Variants in OR14A2 observed in about 807,000 individuals in gnomAD.
OR14A2 encodes the protein olfactory receptor 14A2.
For synonymous variants in OR14A2, 114 were observed against 58.6 expected, an observed-to-expected ratio of 1.95 and a Z score of -4.32; for missense variants, 237 against 152.9, an observed-to-expected ratio of 1.55 and a Z score of -2.90.
the OR14A2 span, chr1:247,738,718 C>T: frequency 6.1e-5 from 48 of 780,820 alleles, 2 homozygotes; most frequent in South Asian, 3.9e-4. Flanking sequence ...ATCTACCTCA[C>T]GGCTGTGCTG....
chr1:247,736,731 G>A, the OR14A2 span, among the ~76,000 whole-genome samples: 1 of 152,040 alleles, frequency 6.6e-6, no homozygotes, highest in Non-Finnish European at 1.5e-5. Flanking sequence ...TGCTAGTTTG[G>A]AGGTAGCTCT....
At chr1:247,726,760 GT>G (rs1179811434), upstream of OR14A2, among the ~76,000 whole-genome samples, 1 of 134,736 alleles carries the variant, frequency 7.4e-6, no homozygotes, top group East Asian at 2.2e-4. Flanking sequence ...TGGCTAGCCA[GT>G]TTTCCCAGCA....
At chr1:247,725,516 TTTTA>T (rs1452371609), upstream of OR14A2, among the ~76,000 whole-genome samples, 3 of 146,220 alleles carry the variant, frequency 2.1e-5, no homozygotes, top group Admixed American at 1.3e-4. Flanking sequence ...TTTATTTATT[TTTTA>T]TTTATTTATT....
chr1:247,731,772 A>AC, the OR14A2 span, among the ~76,000 whole-genome samples: 1 of 151,302 alleles, frequency 6.6e-6, no homozygotes. Flanking sequence ...TTGAAAACAT[A>AC]TTTTTTTTTC....
the OR14A2 span, among the ~76,000 whole-genome samples, chr1:247,729,740 C>T: frequency 2.0e-5 from 3 of 151,942 alleles, no homozygotes; most frequent in Non-Finnish European, 4.4e-5. Context: ...CACAAAAACC[C>T]CACAGAATAC....
the OR14A2 span, among the ~76,000 whole-genome samples, chr1:247,732,519 C>T: frequency 1.3e-5 from 2 of 152,082 alleles, no homozygotes; most frequent in African/African-American, 4.8e-5. Context: ...TTTCCTAGTC[C>T]ATCTTATTTG....
At chr1:247,733,082 G>T in the OR14A2 span, among the ~76,000 whole-genome samples, 1 of 152,078 alleles carries the variant, frequency 6.6e-6, no homozygotes, top group African/African-American at 2.4e-5. Flanking sequence ...GCGGCCCTCA[G>T]GAGTTTCTTA....
the OR14A2 span, chr1:247,739,562 A>C: frequency 1.3e-6 from 1 of 767,136 alleles, no homozygotes; most frequent in Non-Finnish European, 2.4e-6. Context: ...AAAGATGACT[A>C]AAGTTGAAGA....
the OR14A2 span, among the ~76,000 whole-genome samples, chr1:247,731,431 T>C: frequency 6.6e-6 from 1 of 152,118 alleles, no homozygotes; most frequent in Non-Finnish European, 1.5e-5. Flanking sequence ...ATAGTTTTAC[T>C]ATTATTTATT....
downstream of OR14A2, chr1:247,723,006 T>C (rs1660235585): frequency 1.6e-6 from 1 of 617,432 alleles, no homozygotes. Context: ...TTTGAGTATA[T>C]TGCTTTCTTT....
chr1:247,735,405 CCATTAGTCA>C, the OR14A2 span, among the ~76,000 whole-genome samples: 1 of 152,180 alleles, frequency 6.6e-6, no homozygotes, highest in African/African-American at 2.4e-5. Flanking sequence ...TGTCTAGGAT[CCATTAGTCA>C]CATATTATGG....
the OR14A2 span, among the ~76,000 whole-genome samples, chr1:247,742,452 G>T: frequency 3.0e-4 from 46 of 151,020 alleles, no homozygotes; most frequent in Middle Eastern, 3.4e-3. Context: ...ATTTTGTTGA[G>T]ATAATACACA....
At chr1:247,729,208 T>G in the OR14A2 span, among the ~76,000 whole-genome samples, 1 of 152,150 alleles carries the variant, frequency 6.6e-6, no homozygotes, top group Non-Finnish European at 1.5e-5. Context: ...GATTATCTCT[T>G]AAGACCATTA....
At chr1:247,743,271 C>T in the OR14A2 span, among the ~76,000 whole-genome samples, 7 of 151,992 alleles carry the variant, frequency 4.6e-5, no homozygotes, top group African/African-American at 1.5e-4. Flanking sequence ...TCTGGAGTGA[C>T]CCCACTTGCA....
At chr1:247,727,029 G>T (rs1275771734), upstream of OR14A2, among the ~76,000 whole-genome samples, 12 of 150,566 alleles carry the variant, frequency 8.0e-5, no homozygotes, top group East Asian at 7.8e-4. Flanking sequence ...CTTTTTTGGT[G>T]CCATATGAAC....
At chr1:247,733,726 C>T in the OR14A2 span, among the ~76,000 whole-genome samples, 1 of 152,134 alleles carries the variant, frequency 6.6e-6, no homozygotes, top group Admixed American at 6.6e-5. Flanking sequence ...CAACTAATAT[C>T]ATAGTTAATG....
At chr1:247,739,419 G>A in the OR14A2 span, 15 of 780,606 alleles carry the variant, frequency 1.9e-5, no homozygotes, top group Non-Finnish European at 3.6e-5. Flanking sequence ...TTCTATTCTA[G>A]ACTTGCTGGT....
chr1:247,727,222 G>A (rs1660396638), upstream of OR14A2, among the ~76,000 whole-genome samples: 1 of 147,988 alleles, frequency 6.8e-6, no homozygotes, highest in Non-Finnish European at 1.5e-5. Flanking sequence ...GCAGTGGTTT[G>A]TAGTTCTCCT....
the OR14A2 span, chr1:247,746,220 T>C: frequency 6.6e-6 from 1 of 152,242 alleles, no homozygotes; most frequent in African/African-American, 2.4e-5. Flanking sequence ...ATAATTGGTC[T>C]ACTTTGAAGC....
Sources: allele counts gnomAD v4.1 joint callset (sites outside exome capture counted in the v4.1 genomes callset), GRCh38; gene constraint gnomAD v4.1.1; transcripts MANE v1.5; gene names NCBI Gene and HGNC (gene_info 2026-07-23, HGNC 2026-07-21).